PHYKPL: variants seen among roughly 807,000 people sequenced by gnomAD.
The protein encoded by PHYKPL is 5-phosphohydroxy-L-lysine phospho-lyase.
In PHYKPL, 42 loss-of-function variants were observed where a neutral mutation model predicts 51.3. That is an observed-to-expected ratio of 0.82 (90% CI 0.64 to 1.06). The LOEUF is 1.06. PHYKPL is among the 50% of genes least tolerant of loss of function. The pLI is 0.00. For synonymous variants in PHYKPL, 264 were observed against 236.0 expected (o/e 1.12, Z -1.09); for missense variants, 655 against 586.6 (o/e 1.12, Z -1.20).
intron 7 of PHYKPL, 131 bp downstream of exon 7, chr5:178,222,721 A>G (rs1561717759): frequency 1.5e-6 from 2 of 1,348,472 alleles, no homozygotes; most frequent in African/African-American, 1.5e-5. Context: ...TCTCTGGGCC[A>G]TTCTTTCTTT....
chr5:178,224,609 C>A (rs777579108), intron 5 of PHYKPL, 33 bp downstream of exon 5: 10 of 1,614,106 alleles, frequency 6.2e-6, no homozygotes, highest in East Asian at 2.2e-5. Flanking sequence ...TGGGGACAGG[C>A]ACCGACCTGT....
intron 8 of PHYKPL, 22 bp from the exon 9 acceptor site, chr5:178,215,452 T>A: frequency 6.3e-7 from 1 of 1,596,530 alleles, no homozygotes; most frequent in Non-Finnish European, 8.5e-7. Context: ...ACAAAGAACA[T>A]GTCAGATGCC....
chr5:178,230,168 C>G, intron 2 of PHYKPL, 69 bp from the exon 3 acceptor site: 1 of 1,591,846 alleles, frequency 6.3e-7, no homozygotes, highest in Non-Finnish European at 8.6e-7. Context: ...TCCCCCAGCC[C>G]CAAGCTATAA....
intron 8 of PHYKPL, among the ~76,000 whole-genome samples, chr5:178,219,599 G>A (rs888704606): frequency 1.3e-5 from 2 of 151,874 alleles, no homozygotes; most frequent in Non-Finnish European, 2.9e-5. Flanking sequence ...ACAGGTGCCC[G>A]CCACCACGCC....
At chr5:178,224,613 G>A (rs377633236) in intron 5 of PHYKPL, 29 bp downstream of exon 5, 48 of 1,613,980 alleles carry the variant, frequency 3.0e-5, no homozygotes, top group East Asian at 4.5e-5. Flanking sequence ...GACAGGCACC[G>A]ACCTGTTGTT....
chr5:178,212,030 T>C (rs564894099), intron 11 of PHYKPL, 60 bp from the exon 12 acceptor site: 13 of 1,572,566 alleles, frequency 8.3e-6, no homozygotes, highest in South Asian at 2.2e-5. Flanking sequence ...AGATGCCCTG[T>C]TGACTTCAGT....
At chr5:178,223,431 C>G in intron 6 of PHYKPL, 1 of 456,346 alleles carries the variant, frequency 2.2e-6, no homozygotes, top group Non-Finnish European at 4.4e-6. Flanking sequence ...GATGCCTCAA[C>G]CCAGAGAACT....
chr5:178,211,331 G>A (rs1004743356), intron 12 of PHYKPL: 3 of 153,932 alleles, frequency 1.9e-5, no homozygotes, highest in African/African-American at 4.8e-5. Context: ...GCCTAGGGCT[G>A]AGCCCCCCTT....
At chr5:178,214,989 CA>C (rs1759459961) in intron 9 of PHYKPL, 104 bp from the exon 10 acceptor site, 12 of 1,012,508 alleles carry the variant, frequency 1.2e-5, no homozygotes, top group Non-Finnish European at 1.8e-5. Flanking sequence ...GGGCTGAGTG[CA>C]GGAGGCACCT....
chr5:178,210,627 G>A (rs200876071), intron 12 of PHYKPL: 185 of 1,611,926 alleles, frequency 1.1e-4, no homozygotes, highest in Non-Finnish European at 1.5e-4. Flanking sequence ...ATACTGAGGC[G>A]GCAGCAGGAG....
intron 6 of PHYKPL, chr5:178,223,478 C>A (rs192343612): frequency 1.6e-4 from 75 of 456,230 alleles, no homozygotes; most frequent in African/African-American, 1.3e-3. Context: ...CTCAGTGACC[C>A]CTTCTGCATA....
chr5:178,228,321 C>G lies in PHYKPL; in HGVS notation c.338+1619G>C, dbSNP rs1044582771. On this transcript the variant is annotated intron_variant, in intron 3 of 12. Transcript: ENST00000308158. ...ATAGAAAACAGGAGAGCACAGTGCC[C>G]GGGAAGCAAGATGACAGACCACTTC... The G allele has an allele frequency of 1.2e-5, 7 of 561,372 alleles. No individual in the cohort carries two copies. The East Asian group carries it at 2.1e-4, about 17-fold the overall frequency. 34.8% of individuals were successfully genotyped at this position (561,372 alleles called of 1,614,324 possible).
At chr5:178,216,105 A>G (rs554307738) in intron 8 of PHYKPL, 3 of 152,240 alleles carry the variant, frequency 2.0e-5, no homozygotes, top group Non-Finnish European at 2.9e-5. Context: ...CCTCCCTCGC[A>G]GTGAAGTTGC....
chr5:178,218,654 T>C (rs937672542), intron 8 of PHYKPL, among the ~76,000 whole-genome samples: 1 of 152,184 alleles, frequency 6.6e-6, no homozygotes, highest in African/African-American at 2.4e-5. Flanking sequence ...GAGAAATCTG[T>C]TTATAACCCA....
rs758223556 is a variant in PHYKPL at position 178,211,974 on chromosome 5, AAAAAGACCAC to A, written c.1304-14_1304-5del. On this transcript the variant is annotated splice_polypyrimidine_tract_variant and splice_region_variant and intron_variant, in intron 11 of 12. Transcript: ENST00000308158. ...CTTCTCACCTTCTCTTCCATGTCTG[AAAAAGACCAC>A]AAAGCAATGCCGACTCAGTCACCTT... The A allele has an allele frequency of 9.3e-6, 15 of 1,614,004 alleles. No individual in the cohort carries two copies. The highest frequency in any genetic ancestry group is 1.3e-5 in the Non-Finnish European group (15 of 1,179,990).
chr5:178,212,479 G>C (rs1273003977), intron 11 of PHYKPL, among the ~76,000 whole-genome samples: 54 of 152,320 alleles, frequency 3.5e-4, no homozygotes, highest in Non-Finnish European at 2.9e-5. Flanking sequence ...GGGAACCCTG[G>C]GTTGACCACG....
intron 8 of PHYKPL, 21 bp downstream of exon 8, chr5:178,222,334 T>C: frequency 6.3e-7 from 1 of 1,595,512 alleles, no homozygotes; most frequent in East Asian, 2.2e-5. Flanking sequence ...GTTGCTCCCT[T>C]GACTTAGAGC....
chr5:178,210,642 C>G, intron 12 of PHYKPL: 1 of 1,587,022 alleles, frequency 6.3e-7, no homozygotes, highest in Non-Finnish European at 8.7e-7. Flanking sequence ...CAGGAGCGAC[C>G]AACTGATCGC....
chr5:178,210,151 T>TCAGGGCTACGGCAACTACTGGAAC (rs760292313), intron 12 of PHYKPL: 2 of 1,614,100 alleles, frequency 1.2e-6, no homozygotes, highest in Non-Finnish European at 1.7e-6. Context: ...AGAGTTGGAA[T>TCAGGGCTACGGCAACTACTGGAAC]CAGGGCTACG....
Sources: allele counts gnomAD v4.1 joint callset (sites outside exome capture counted in the v4.1 genomes callset), GRCh38; gene constraint gnomAD v4.1.1; transcripts MANE v1.5; gene names NCBI Gene and HGNC (gene_info 2026-07-23, HGNC 2026-07-21).